Variants in GABRG3 observed in about 807,000 individuals in gnomAD.
GABRG3 encodes the protein gamma-aminobutyric acid receptor subunit gamma-3.
Under a neutral mutation model 48.8 loss-of-function variants are expected in GABRG3, and 25 were observed. The ratio of observed to expected loss-of-function variants is 0.51; its 90% CI spans 0.37 to 0.72. The LOEUF (loss-of-function observed/expected upper bound fraction) is 0.72. Among genes scored for constraint, GABRG3 ranks in the 30% least tolerant of loss-of-function variants. The probability of loss-of-function intolerance (pLI) is 0.00; values close to 1 mark genes in which losing one functional copy is unlikely to be tolerated. For synonymous variants in GABRG3, 227 were observed against 217.6 expected (o/e 1.04, Z -0.38); for missense variants, 394 against 577.9 (o/e 0.68, Z 3.26).
intron 2 of GABRG3, among the ~76,000 whole-genome samples, chr15:27,024,774 C>A (rs1895954901): frequency 6.6e-6 from 1 of 152,102 alleles, no homozygotes; most frequent in Non-Finnish European, 1.5e-5. Context: ...TGCCTGTATT[C>A]CCAGCACTTT....
At chr15:27,082,038 C>T (rs191680087) in intron 3 of GABRG3, among the ~76,000 whole-genome samples, 12 of 152,158 alleles carry the variant, frequency 7.9e-5, no homozygotes, top group Non-Finnish European at 1.8e-4. Context: ...GCAAGGCACA[C>T]AGTCACATCA....
chr15:26,977,959 G>C (rs1053606664), intron 2 of GABRG3, among the ~76,000 whole-genome samples: 1 of 152,188 alleles, frequency 6.6e-6, no homozygotes, highest in Non-Finnish European at 1.5e-5. Context: ...GAGAGATCCA[G>C]TTTCTTTGTG....
intron 3 of GABRG3, among the ~76,000 whole-genome samples, chr15:27,193,197 C>A (rs1316880099): frequency 3.9e-5 from 6 of 152,216 alleles, no homozygotes; most frequent in Admixed American, 3.9e-4. Context: ...GGCAGTCTGC[C>A]CGTTCTCAGA....
intron 5 of GABRG3, among the ~76,000 whole-genome samples, chr15:27,449,795 A>G (rs1388492209): frequency 6.6e-6 from 1 of 152,216 alleles, no homozygotes. Context: ...AGTCAATTCA[A>G]TTTGTGTAAA....
intron 5 of GABRG3, among the ~76,000 whole-genome samples, chr15:27,431,318 C>T (rs1348734523): frequency 6.6e-6 from 1 of 152,008 alleles, no homozygotes; most frequent in East Asian, 1.9e-4. Context: ...TTGTAACTCG[C>T]CTTTCAGATT....
At chr15:27,248,789 CACACACACACACACAG>C (rs1794247210) in intron 3 of GABRG3, among the ~76,000 whole-genome samples, 2 of 115,920 alleles carry the variant, frequency 1.7e-5, no homozygotes, top group Admixed American at 1.7e-4. Flanking sequence ...CACACACACA[CACACACACACACACAG>C]AGAGAGAGAG....
At chr15:27,138,851 A>G (rs1349100858) in intron 3 of GABRG3, among the ~76,000 whole-genome samples, 1 of 152,114 alleles carries the variant, frequency 6.6e-6, no homozygotes, top group African/African-American at 2.4e-5. Context: ...ACTTTTCTTA[A>G]TTCCTGGTGT....
chr15:27,258,600 G>A (rs1235679580), intron 3 of GABRG3, among the ~76,000 whole-genome samples: 2 of 152,012 alleles, frequency 1.3e-5, no homozygotes, highest in Non-Finnish European at 1.5e-5. Context: ...CACTTTCTTT[G>A]CCCTTTTATT....
intron 2 of GABRG3, among the ~76,000 whole-genome samples, chr15:27,002,804 A>C (rs1308800386): frequency 5.3e-5 from 8 of 149,696 alleles, no homozygotes; most frequent in Non-Finnish European, 7.4e-5. Context: ...AGAGAAAGAG[A>C]GAAAGAGAGA....
intron 2 of GABRG3, among the ~76,000 whole-genome samples, chr15:27,021,949 A>G (rs1322482684): frequency 6.6e-6 from 1 of 152,220 alleles, no homozygotes; most frequent in Non-Finnish European, 1.5e-5. Flanking sequence ...CTAAGTGACT[A>G]TGAATACTGG....
At chr15:27,295,017 T>TA (rs1891932694) in intron 3 of GABRG3, 2 of 152,006 alleles carry the variant, frequency 1.3e-5, no homozygotes, top group Non-Finnish European at 2.9e-5. Flanking sequence ...GAAGGACAAA[T>TA]GAAGCACTGG....
At chr15:26,998,532 A>G (rs1476248917) in intron 2 of GABRG3, among the ~76,000 whole-genome samples, 2 of 152,194 alleles carry the variant, frequency 1.3e-5, no homozygotes, top group African/African-American at 4.8e-5. Flanking sequence ...TCTTCAAGTA[A>G]ACAAGGTGAG....
At chr15:27,061,759 T>C (rs1896650684) in intron 3 of GABRG3, among the ~76,000 whole-genome samples, 2 of 152,168 alleles carry the variant, frequency 1.3e-5, no homozygotes, top group South Asian at 4.1e-4. Flanking sequence ...ACTTAGTTGA[T>C]AACCTTGAAT....
At chr15:27,268,825 A>G (rs140465796) in intron 3 of GABRG3, among the ~76,000 whole-genome samples, 3 of 152,012 alleles carry the variant, frequency 2.0e-5, no homozygotes, top group Non-Finnish European at 4.4e-5. Flanking sequence ...TCATTTCTTC[A>G]CCTCAAGGAG....
chr15:26,992,426 G>T (rs191540615), intron 2 of GABRG3, among the ~76,000 whole-genome samples: 150 of 152,216 alleles, frequency 9.9e-4, no homozygotes, highest in Admixed American at 9.2e-3. Context: ...TTTTTTGAGG[G>T]TTATCATGTA....
At chr15:27,010,830 T>G (rs1895671334) in intron 2 of GABRG3, among the ~76,000 whole-genome samples, 1 of 152,076 alleles carries the variant, frequency 6.6e-6, no homozygotes, top group South Asian at 2.1e-4. Context: ...ATACTGAGGT[T>G]GTTTTTGTTT....
chr15:27,321,661 C>G (rs985413192), intron 3 of GABRG3, among the ~76,000 whole-genome samples: 1 of 152,182 alleles, frequency 6.6e-6, no homozygotes, highest in Non-Finnish European at 1.5e-5. Context: ...CTCAAGCTAA[C>G]GAGCTGAGGC....
intron 5 of GABRG3, among the ~76,000 whole-genome samples, chr15:27,369,806 C>CAAAAAAAAAAAAAAAAAAAAAAA (rs34901488): frequency 3.3e-5 from 1 of 30,270 alleles, no homozygotes; most frequent in African/African-American, 9.0e-5. Flanking sequence ...GACTCCGTCT[C>CAAAAAAAAAAAAAAAAAAAAAAA]AAAAAAAAAA....
At chr15:27,355,996 G>C (rs558160173) in intron 5 of GABRG3, among the ~76,000 whole-genome samples, 1 of 152,086 alleles carries the variant, frequency 6.6e-6, no homozygotes. Flanking sequence ...GCACAGATAG[G>C]GTTGTTTTTT....
Sources: gnomAD v4.1 joint callset for allele counts (sites outside exome capture counted in the v4.1 genomes callset) on GRCh38, gnomAD v4.1.1 for gene constraint, MANE v1.5 for transcripts, NCBI Gene and HGNC (gene_info 2026-07-23, HGNC 2026-07-21) for gene names.